Variants in RBFOX3 observed in about 807,000 individuals in gnomAD.
The protein encoded by RBFOX3 is RNA binding fox-1 homolog 3.
In RBFOX3, 17 loss-of-function variants were observed where a neutral mutation model predicts 48.7. The ratio of observed to expected loss-of-function variants is 0.35; its 90% CI spans 0.24 to 0.52. The LOEUF (loss-of-function observed/expected upper bound fraction) is 0.52. RBFOX3 is among the 20% of genes least tolerant of loss of function. The probability of loss-of-function intolerance (pLI) is 0.94; values close to 1 mark genes in which losing one functional copy is unlikely to be tolerated. For missense variants in RBFOX3, 382 were observed against 497.5 expected (o/e 0.77, Z 2.21); for synonymous variants, 212 against 209.5 (o/e 1.01, Z -0.10).
chr17:79,126,479 G>A (rs558061832), intron 4 of RBFOX3, among the ~76,000 whole-genome samples: 106 of 152,266 alleles, frequency 7.0e-4, no homozygotes, highest in African/African-American at 2.5e-3. Flanking sequence ...TGGCAGGTAG[G>A]GGGTGTGGGT....
At chr17:79,336,478 A>G (rs1206417222) in intron 2 of RBFOX3, among the ~76,000 whole-genome samples, 1 of 152,240 alleles carries the variant, frequency 6.6e-6, no homozygotes. Context: ...GAGCTTCTGA[A>G]AAGCTGAAGT....
At chr17:79,170,435 G>C (rs545857228) in intron 4 of RBFOX3, among the ~76,000 whole-genome samples, 2 of 152,138 alleles carry the variant, frequency 1.3e-5, no homozygotes, top group Non-Finnish European at 2.9e-5. Flanking sequence ...GGGAGGGAAG[G>C]TGTTTTCTCC....
chr17:79,284,292 C>A (rs1459955852), intron 3 of RBFOX3, among the ~76,000 whole-genome samples: 4 of 152,050 alleles, frequency 2.6e-5, no homozygotes, highest in African/African-American at 9.7e-5. Flanking sequence ...GTCTCTGAAC[C>A]ACTTGGGGTT....
chr17:79,191,393 A>C (rs1286524060), intron 4 of RBFOX3, among the ~76,000 whole-genome samples: 1 of 152,222 alleles, frequency 6.6e-6, no homozygotes, highest in African/African-American at 2.4e-5. Flanking sequence ...TGAGTTAAAA[A>C]GCAACCGCAA....
chr17:79,527,553 G>A (rs1322276131), intron 1 of RBFOX3, among the ~76,000 whole-genome samples: 1 of 152,172 alleles, frequency 6.6e-6, no homozygotes, highest in Non-Finnish European at 1.5e-5. Context: ...TGGCTGATCA[G>A]TGTGCCTCTG....
chr17:79,305,214 C>A (rs931092077), intron 3 of RBFOX3, among the ~76,000 whole-genome samples: 1 of 152,056 alleles, frequency 6.6e-6, no homozygotes, highest in South Asian at 2.1e-4. Context: ...AGGGTTCTTG[C>A]CTGTGTGGGG....
At chr17:79,344,960 G>C (rs2082661512) in intron 2 of RBFOX3, among the ~76,000 whole-genome samples, 1 of 152,202 alleles carries the variant, frequency 6.6e-6, no homozygotes, top group East Asian at 1.9e-4. Flanking sequence ...AAACTCAGAG[G>C]ATGAAGTCAC....
At chr17:79,167,430 C>T (rs1457819321) in intron 4 of RBFOX3, among the ~76,000 whole-genome samples, 2 of 135,508 alleles carry the variant, frequency 1.5e-5, no homozygotes, top group African/African-American at 6.5e-5. Context: ...CCAAGGAGGC[C>T]CTGGCTGATG....
At chr17:79,238,581 C>G (rs1181390576) in intron 3 of RBFOX3, among the ~76,000 whole-genome samples, 1 of 152,218 alleles carries the variant, frequency 6.6e-6, no homozygotes, top group African/African-American at 2.4e-5. Context: ...CTGGAATTCC[C>G]AGTCTTTAGG....
At chr17:79,194,871 G>A (rs2146596301) in intron 4 of RBFOX3, among the ~76,000 whole-genome samples, 1 of 152,024 alleles carries the variant, frequency 6.6e-6, no homozygotes, top group Non-Finnish European at 1.5e-5. Flanking sequence ...ATCATATTCA[G>A]GTATATTGGG....
chr17:79,384,583 C>T (rs2060330222), intron 2 of RBFOX3, among the ~76,000 whole-genome samples: 2 of 152,204 alleles, frequency 1.3e-5, no homozygotes, highest in Admixed American at 6.5e-5. Context: ...ATCAAGGGGC[C>T]GGAGCCCTGC....
the RBFOX3 span, among the ~76,000 whole-genome samples, chr17:79,651,206 C>T: frequency 6.6e-6 from 1 of 152,240 alleles, no homozygotes; most frequent in African/African-American, 2.4e-5. Flanking sequence ...CCTCCACCTC[C>T]CCAGTAAACT....
At chr17:79,110,465 G>C (rs1432084269) in intron 5 of RBFOX3, among the ~76,000 whole-genome samples, 1 of 152,228 alleles carries the variant, frequency 6.6e-6, no homozygotes, top group East Asian at 1.9e-4. Context: ...CAGCAGGTGG[G>C]ACCCGGTGGC....
chr17:79,384,180 G>A (rs934388223), intron 2 of RBFOX3, among the ~76,000 whole-genome samples: 6 of 152,202 alleles, frequency 3.9e-5, no homozygotes, highest in African/African-American at 1.2e-4. Context: ...TGGGGATGTC[G>A]GAAAACAAAG....
At chr17:79,616,040 G>A (rs1248748946), upstream of RBFOX3, among the ~76,000 whole-genome samples, 1 of 152,214 alleles carries the variant, frequency 6.6e-6, no homozygotes, top group Non-Finnish European at 1.5e-5. Flanking sequence ...AGATGCAACT[G>A]TAGAAGGATC....
intron 5 of RBFOX3, among the ~76,000 whole-genome samples, chr17:79,112,649 C>G (rs1309147970): frequency 6.6e-6 from 1 of 152,094 alleles, no homozygotes; most frequent in East Asian, 1.9e-4. Context: ...GGACAGGACC[C>G]TGCCGTCTAG....
In RBFOX3 at chr17:79,480,883, A is replaced by G. The variant is rs2149479571; in HGVS notation, c.-175+1571T>C. 6.6e-6 allele frequency among the ~76,000 whole-genome samples: 1 copy of G among 152,192 alleles called. No homozygotes were observed. Among genetic ancestry groups the G allele is most frequent in the East Asian group, 1.9e-4 (1 of 5,188 alleles). ...TTATTCGCCATGTCCCTGCTAAAAT[A>G]TAAACACCATGAGGGCCAGAACTTG... On this transcript the variant is annotated intron_variant, in intron 2 of 14. Coordinates refer to ENST00000693108, the MANE Select transcript of RBFOX3 (RefSeq NM_001350451.2). The surrounding 1 kb of genome is among the most constrained non-coding windows in gnomAD (Gnocchi z 4.8).
At chr17:79,597,766 G>A (rs1263512237) in intron 1 of RBFOX3, among the ~76,000 whole-genome samples, 1 of 152,174 alleles carries the variant, frequency 6.6e-6, no homozygotes, top group Non-Finnish European at 1.5e-5. Context: ...CCAGCAGGGA[G>A]CAGACACCCC....
intron 2 of RBFOX3, among the ~76,000 whole-genome samples, chr17:79,309,293 T>G (rs975743498): frequency 3.3e-5 from 5 of 152,022 alleles, no homozygotes; most frequent in African/African-American, 4.8e-5. Flanking sequence ...GATTGGGGTC[T>G]CCGCTGAAAC....
Sources: allele counts gnomAD v4.1 joint callset (sites outside exome capture counted in the v4.1 genomes callset), GRCh38; gene constraint gnomAD v4.1.1; non-coding constraint Gnocchi (gnomAD v3.1); transcripts MANE v1.5; gene names NCBI Gene and HGNC (gene_info 2026-07-23, HGNC 2026-07-21).